Variants in HHIP observed in about 807,000 individuals in gnomAD.
HHIP encodes the protein hedgehog-interacting protein.
In HHIP, 12 loss-of-function variants were observed where a neutral mutation model predicts 74.0. The observed-to-expected ratio is 0.16, with a 90% CI of 0.10 to 0.26. The LOEUF is 0.26. Ranked by LOEUF, HHIP falls within the 10% of genes least tolerant of loss-of-function variation. The pLI, the probability that HHIP is intolerant of heterozygous loss-of-function variation, is 1.00. For synonymous variants in HHIP, 309 were observed against 311.6 expected, an observed-to-expected ratio of 0.99 and a Z score of 0.09; for missense variants, 788 against 845.0, an observed-to-expected ratio of 0.93 and a Z score of 0.84.
chr4:144,676,604 A>G (rs1238456289), intron 4 of HHIP, among the ~76,000 whole-genome samples: 3 of 152,200 alleles, frequency 2.0e-5, no homozygotes, highest in Non-Finnish European at 2.9e-5. Context: ...TATGCAATGA[A>G]CAAGGCCCAT....
At chr4:144,662,533 T>C (rs754903778) in intron 4 of HHIP, among the ~76,000 whole-genome samples, 1 of 152,160 alleles carries the variant, frequency 6.6e-6, no homozygotes, top group East Asian at 1.9e-4. Flanking sequence ...AGTTGTGGCA[T>C]TGAGATTAAA....
chr4:144,651,073 A>T (rs142666571), intron 1 of HHIP: 368 of 152,272 alleles, frequency 2.4e-3, no homozygotes, highest in African/African-American at 8.3e-3. Flanking sequence ...TGATAAACAA[A>T]CAGAACACAG....
chr4:144,708,302 A>T lies in HHIP; in HGVS notation c.1292A>T (p.Asp431Val). 3 of 1,614,082 alleles carry T rather than the reference A, an allele frequency of 1.9e-6. No homozygotes were observed. The highest frequency in any genetic ancestry group is 2.5e-6 in the Non-Finnish European group (3 of 1,179,996). The change falls in exon 7 of 13, where the codon GAT (aspartate) becomes GTT (valine). Residue 431 changes from aspartate (D) to valine (V), a missense_variant. Transcript: ENST00000296575. ...GAAGTGTTTGCTCATGGGCTCCACG[A>T]TCCAGGCAGGTGAGAACACAAGTCT... ...PPEVFAHGLH[D>V]PGRCAVDRHP... is the part of the protein sequence containing the mutation.
At chr4:144,678,191 T>C (rs543923061) in intron 4 of HHIP, among the ~76,000 whole-genome samples, 123 of 152,320 alleles carry the variant, frequency 8.1e-4, no homozygotes, top group Middle Eastern at 6.8e-3. Flanking sequence ...TCTAAAACTA[T>C]AAGAATAACA....
chr4:144,698,478 C>A (rs1729883667), intron 4 of HHIP, among the ~76,000 whole-genome samples: 1 of 152,086 alleles, frequency 6.6e-6, no homozygotes, highest in African/African-American at 2.4e-5. Context: ...ACGGGCCATA[C>A]CACATAGCCT....
chr4:144,659,623 T>A lies in HHIP; in HGVS notation c.630-14T>A. 1 of 1,446,010 alleles carries A rather than the reference T, an allele frequency of 6.9e-7. No homozygotes were observed. Among genetic ancestry groups the A allele is most frequent in the Non-Finnish European group, 9.1e-7 (1 of 1,097,876 alleles). 89.6% of individuals were successfully genotyped at this position (1,446,010 alleles called of 1,614,324 possible). A position where few individuals can be genotyped will look rare whatever the true frequency, so the allele number is the denominator to read the frequency against. On this transcript the variant is annotated splice_polypyrimidine_tract_variant and intron_variant, in intron 3 of 12. Coordinates refer to ENST00000296575, the MANE Select transcript of HHIP (RefSeq NM_022475.3). Reference sequence around the variant, plus strand: ...TCTCAAGAAAAGCTTACCGGTTTTCTTTAATTTGTTTAGAAAGCACAAACA... The same window carrying A: ...TCTCAAGAAAAGCTTACCGGTTTTCATTAATTTGTTTAGAAAGCACAAACA...
intron 4 of HHIP, among the ~76,000 whole-genome samples, chr4:144,676,586 A>G (rs1729174095): frequency 6.6e-6 from 1 of 152,192 alleles, no homozygotes; most frequent in Non-Finnish European, 1.5e-5. Context: ...CACACTCATA[A>G]TGTGTTCTAT....
chr4:144,646,711 G>GCTT lies in HHIP; in HGVS notation c.36_37insCTT (p.Leu12dup), dbSNP rs768620598. On this transcript the variant is annotated inframe_insertion, in exon 1 of 13. Transcript: ENST00000296575. The stretch of plus-strand genomic sequence containing the variant: ...TGCTCTCCTTTAAGCTGCTGCTGCT[G>GCTT]GCCGTGGCTCTGGGCTTCTTTGAAG... 3 of 1,614,186 alleles carry GCTT rather than the reference G, an allele frequency of 1.9e-6. No homozygotes were observed. Among genetic ancestry groups the GCTT allele is most frequent in the Admixed American group, 3.3e-5 (2 of 60,028 alleles).
intron 4 of HHIP, among the ~76,000 whole-genome samples, chr4:144,665,902 T>C (rs141720174): frequency 6.5e-4 from 99 of 152,272 alleles, no homozygotes; most frequent in Middle Eastern, 6.8e-3. Flanking sequence ...TTAATATCTT[T>C]ATATTTACCT....
At chr4:144,647,360 T>C (rs1728295841) in intron 1 of HHIP, 1 of 168,324 alleles carries the variant, frequency 5.9e-6, no homozygotes, top group African/African-American at 2.4e-5. Flanking sequence ...TTGTGCTGTT[T>C]TCTCCACGTG....
intron 2 of HHIP, chr4:144,654,834 C>T (rs1728518046): frequency 6.6e-6 from 1 of 152,066 alleles, no homozygotes; most frequent in Non-Finnish European, 1.5e-5. Context: ...CTTTGTGATT[C>T]TTTTTTAGAA....
chr4:144,678,251 C>T (rs940848053), intron 4 of HHIP, among the ~76,000 whole-genome samples: 2 of 152,134 alleles, frequency 1.3e-5, no homozygotes, highest in African/African-American at 2.4e-5. Context: ...GATTATGAAA[C>T]ATCTAATGAT....
At chr4:144,705,353 G>A (rs1334194726) in intron 4 of HHIP, among the ~76,000 whole-genome samples, 1 of 152,200 alleles carries the variant, frequency 6.6e-6, no homozygotes, top group East Asian at 1.9e-4. Flanking sequence ...ATGACCTTGT[G>A]AAGAGGTTGC....
Position 144,734,733 on chromosome 4 carries a change from T to G in HHIP, c.1761-8T>G. ...GAATACACTTTCAACTATTGTGTTT[T>G]AATGTAGACCTTTAATGCCTGAGGA... On this transcript the variant is annotated splice_region_variant and splice_polypyrimidine_tract_variant and intron_variant, in intron 11 of 12. Transcript: ENST00000296575. The G allele has an allele frequency of 6.5e-7, 1 of 1,550,060 alleles. No homozygotes were observed. Among genetic ancestry groups the G allele is most frequent in the Non-Finnish European group, 8.8e-7 (1 of 1,133,946 alleles).
At chr4:144,737,693 G>T in intron 12 of HHIP, 71 bp from the exon 13 acceptor site, 1 of 1,268,196 alleles carries the variant, frequency 7.9e-7, no homozygotes, top group Non-Finnish European at 1.1e-6. Context: ...AATATTTGTT[G>T]GTCTCATGCT....
chr4:144,714,484 C>T, intron 9 of HHIP, 136 bp downstream of exon 9: 1 of 807,768 alleles, frequency 1.2e-6, no homozygotes, highest in South Asian at 2.0e-5. Flanking sequence ...ATATTATTTA[C>T]TTTTAGTTCC....
At chr4:144,667,056 C>G (rs970887730) in intron 4 of HHIP, among the ~76,000 whole-genome samples, 1 of 151,994 alleles carries the variant, frequency 6.6e-6, no homozygotes, top group African/African-American at 2.4e-5. Context: ...GGGGTTGAAA[C>G]AGTCCCTCAT....
At position 144,715,388 on chromosome 4, in the gene HHIP, T is replaced by C. The variant is rs199620075; in HGVS notation, c.1636T>C (p.Tyr546His). ...CLGTSGSCRGYFSGHILGFGE... is the reference protein window; with the variant it reads ...CLGTSGSCRGHFSGHILGFGE... ...CGGCACTAGTGGGTCCTGTAGAGGCTACTTTTCCGGTCACATCTTGGGATT... is the reference window on the plus strand; with the variant it reads ...CGGCACTAGTGGGTCCTGTAGAGGCCACTTTTCCGGTCACATCTTGGGATT... The change falls in exon 10 of 13, where the codon TAC (tyrosine) becomes CAC (histidine). Residue 546 changes from tyrosine (Y) to histidine (H), a missense_variant. Coordinates refer to ENST00000296575, the MANE Select transcript of HHIP (RefSeq NM_022475.3). 16 of 1,613,530 alleles carry C rather than the reference T, an allele frequency of 9.9e-6. No individual in the cohort carries two copies. Among genetic ancestry groups the C allele is most frequent in the Non-Finnish European group, 1.3e-5 (15 of 1,179,564 alleles).
intron 4 of HHIP, among the ~76,000 whole-genome samples, chr4:144,698,564 A>G (rs946950022): frequency 6.6e-6 from 1 of 152,148 alleles, no homozygotes; most frequent in Non-Finnish European, 1.5e-5. Flanking sequence ...TTCTTGGAGG[A>G]CTGAAACAGT....
Sources: gnomAD v4.1 joint callset for allele counts (sites outside exome capture counted in the v4.1 genomes callset) on GRCh38, gnomAD v4.1.1 for gene constraint, MANE v1.5 for transcripts, NCBI Gene and HGNC (gene_info 2026-07-23, HGNC 2026-07-21) for gene names.